ESRRG: variants seen among roughly 807,000 people sequenced by gnomAD.
The protein encoded by ESRRG is estrogen-related receptor gamma.
In ESRRG, 13 loss-of-function variants were observed where a neutral mutation model predicts 44.0. The observed-to-expected ratio is 0.30, with a 90% CI of 0.19 to 0.47. The LOEUF is 0.47. ESRRG is among the 20% of genes least tolerant of loss of function. The pLI is 1.00. For missense variants in ESRRG, 395 were observed against 580.6 expected (o/e 0.68, Z 3.29); for synonymous variants, 215 against 214.6 (o/e 1.00, Z -0.02).
intron 1 of ESRRG, among the ~76,000 whole-genome samples, chr1:217,011,927 G>T (rs894910229): frequency 1.3e-5 from 2 of 151,922 alleles, no homozygotes; most frequent in African/African-American, 2.4e-5. Context: ...ACTTTTCTTC[G>T]TGCTAGCTTG....
chr1:217,044,545 A>C (rs1469865303), intron 1 of ESRRG, among the ~76,000 whole-genome samples: 3 of 151,906 alleles, frequency 2.0e-5, no homozygotes, highest in Admixed American at 1.3e-4. Flanking sequence ...GTACACCTTC[A>C]CTCCCTATGC....
chr1:216,997,391 C>T (rs2076498960), intron 1 of ESRRG, among the ~76,000 whole-genome samples: 1 of 152,184 alleles, frequency 6.6e-6, no homozygotes, highest in Non-Finnish European at 1.5e-5. Context: ...GCCTGGCATG[C>T]AGTGAAACAG....
intron 2 of ESRRG, among the ~76,000 whole-genome samples, chr1:216,660,719 G>T (rs2151216296): frequency 6.6e-6 from 1 of 152,288 alleles, no homozygotes; most frequent in South Asian, 2.1e-4. Flanking sequence ...GTGGATCTTG[G>T]CATTGTCTTT....
intron 1 of ESRRG, among the ~76,000 whole-genome samples, chr1:216,993,312 C>T (rs1033758273): frequency 2.0e-5 from 3 of 152,344 alleles, no homozygotes; most frequent in Middle Eastern, 3.4e-3. Flanking sequence ...CCCTCACCAT[C>T]TCCCTCCTTC....
At chr1:216,548,598 C>T (rs1460778752) in intron 5 of ESRRG, among the ~76,000 whole-genome samples, 2 of 152,072 alleles carry the variant, frequency 1.3e-5, no homozygotes, top group South Asian at 2.1e-4. Context: ...TACTGGATTA[C>T]TCTACATTGT....
chr1:216,703,366 G>C (rs2081805294), intron 1 of ESRRG, among the ~76,000 whole-genome samples: 1 of 152,120 alleles, frequency 6.6e-6, no homozygotes, highest in Admixed American at 6.6e-5. Context: ...TCTGTGTTGG[G>C]CCGCATTCAA....
intron 1 of ESRRG, among the ~76,000 whole-genome samples, chr1:216,678,052 G>A (rs1029275469): frequency 1.3e-5 from 2 of 152,168 alleles, no homozygotes; most frequent in South Asian, 2.1e-4. Context: ...TTGTCAGCAC[G>A]CTTCCATAAG....
intron 1 of ESRRG, among the ~76,000 whole-genome samples, chr1:217,056,833 T>A (rs2087206549): frequency 6.6e-6 from 1 of 151,640 alleles, no homozygotes; most frequent in Admixed American, 6.6e-5. Context: ...CTGCCAGAAA[T>A]TCTGCATGGA....
intron 3 of ESRRG, among the ~76,000 whole-genome samples, chr1:216,595,855 A>C (rs2058351426): frequency 6.6e-6 from 1 of 152,240 alleles, no homozygotes; most frequent in African/African-American, 2.4e-5. Flanking sequence ...TAATTTTGGT[A>C]GAAAAACTAT....
intron 3 of ESRRG, among the ~76,000 whole-genome samples, chr1:216,643,407 A>C (rs2066859580): frequency 1.3e-5 from 2 of 152,224 alleles, no homozygotes; most frequent in African/African-American, 4.8e-5. Flanking sequence ...CTTCCACCCA[A>C]GGATTTCCTA....
intron 3 of ESRRG, among the ~76,000 whole-genome samples, chr1:216,602,578 C>T (rs773409693): frequency 3.9e-5 from 6 of 152,112 alleles, no homozygotes; most frequent in Non-Finnish European, 7.4e-5. Context: ...CCAAGCTCCC[C>T]GGATTATCTA....
At chr1:216,644,007 T>C (rs1354172636) in intron 3 of ESRRG, among the ~76,000 whole-genome samples, 1 of 152,106 alleles carries the variant, frequency 6.6e-6, no homozygotes, top group Non-Finnish European at 1.5e-5. Flanking sequence ...TTGGCATAGA[T>C]ACAGGAAGGT....
At chr1:216,991,266 A>G (rs766480878) in intron 1 of ESRRG, among the ~76,000 whole-genome samples, 26 of 152,124 alleles carry the variant, frequency 1.7e-4, no homozygotes, top group Non-Finnish European at 3.4e-4. Context: ...GACTGTTGCT[A>G]TAAAGAGCAC....
At chr1:216,854,873 A>C (rs773158832) in intron 2 of ESRRG, among the ~76,000 whole-genome samples, 35 of 152,202 alleles carry the variant, frequency 2.3e-4, no homozygotes, top group Non-Finnish European at 4.9e-4. Flanking sequence ...AAGCACTTAC[A>C]TGTTAAGTTT....
chr1:216,854,295 T>G (rs140993426), intron 2 of ESRRG, among the ~76,000 whole-genome samples: 192 of 135,606 alleles, frequency 1.4e-3, no homozygotes, highest in Middle Eastern at 0.013. Flanking sequence ...AAGTGGAAGT[T>G]GCAGTGAGTC....
chr1:216,735,909 C>T (rs1466225331), intron 2 of ESRRG, among the ~76,000 whole-genome samples: 1 of 149,276 alleles, frequency 6.7e-6, no homozygotes, highest in Non-Finnish European at 1.5e-5. Flanking sequence ...ACCTAGGAAG[C>T]AGAGGTTGCA....
chr1:216,866,576 T>A (rs893624967), intron 2 of ESRRG, among the ~76,000 whole-genome samples: 13 of 145,014 alleles, frequency 9.0e-5, no homozygotes, highest in African/African-American at 1.3e-4. Context: ...TTTTTTTTTT[T>A]ATTTTTTTTC....
At chr1:216,735,097 T>C (rs911130165) in intron 2 of ESRRG, among the ~76,000 whole-genome samples, 3 of 151,786 alleles carry the variant, frequency 2.0e-5, no homozygotes, top group South Asian at 2.1e-4. Flanking sequence ...TTAGTAGAAA[T>C]GGGTTTTCAC....
At chr1:216,568,271 G>A (rs2060042914) in intron 3 of ESRRG, among the ~76,000 whole-genome samples, 173 bp from the exon 4 acceptor site, 1 of 152,210 alleles carries the variant, frequency 6.6e-6, no homozygotes, top group Non-Finnish European at 1.5e-5. Context: ...CTTGCCAGAG[G>A]TTGAAAACCA....
Sources: gnomAD v4.1 joint callset for allele counts (sites outside exome capture counted in the v4.1 genomes callset) on GRCh38, gnomAD v4.1.1 for gene constraint, MANE v1.5 for transcripts, NCBI Gene and HGNC (gene_info 2026-07-23, HGNC 2026-07-21) for gene names.